KCNN2: variants seen among roughly 807,000 people sequenced by gnomAD.
KCNN2 encodes the protein small conductance calcium-activated potassium channel protein 2.
Under a neutral mutation model 55.5 loss-of-function variants are expected in KCNN2, and 24 were observed. The ratio of observed to expected loss-of-function variants is 0.43; its 90% CI spans 0.31 to 0.61. The LOEUF (loss-of-function observed/expected upper bound fraction) is 0.61. Among genes scored for constraint, KCNN2 ranks in the 20% least tolerant of loss-of-function variants. The pLI, the probability that KCNN2 is intolerant of heterozygous loss-of-function variation, is 0.08. For synonymous variants in KCNN2, 431 were observed against 336.1 expected (o/e 1.28, Z -3.09); for missense variants, 754 against 853.6 (o/e 0.88, Z 1.45).
intron 2 of KCNN2, among the ~76,000 whole-genome samples, chr5:114,260,697 T>G (rs1343323319): frequency 6.6e-6 from 1 of 152,226 alleles, no homozygotes; most frequent in East Asian, 1.9e-4. Context: ...TTTAGCTCTC[T>G]TTTTCTGAGA....
At chr5:114,346,769 C>CAAAAAAAAAA (rs138308313) in intron 2 of KCNN2, among the ~76,000 whole-genome samples, 1 of 136,112 alleles carries the variant, frequency 7.3e-6, no homozygotes, top group Non-Finnish European at 1.6e-5. Flanking sequence ...ATTCATTCTC[C>CAAAAAAAAAA]AAAAAAAAAA....
At chr5:114,210,290 G>A (rs76378261) in intron 1 of KCNN2, among the ~76,000 whole-genome samples, 9,053 of 152,138 alleles carry the variant, frequency 0.06, 875 homozygotes, top group African/African-American at 0.2. Flanking sequence ...AATCAATAAT[G>A]TATATTACAT....
chr5:114,413,605 T>C (rs1378759223), intron 3 of KCNN2, among the ~76,000 whole-genome samples: 1 of 152,164 alleles, frequency 6.6e-6, no homozygotes, highest in African/African-American at 2.4e-5. Flanking sequence ...ATTTTTTAAC[T>C]CTTTTTGGTC....
chr5:114,110,543 C>G (rs1336324176), intron 1 of KCNN2, among the ~76,000 whole-genome samples: 4 of 152,060 alleles, frequency 2.6e-5, no homozygotes, highest in Admixed American at 2.6e-4. Context: ...TCAGGGTACT[C>G]CTCTAAGGCC....
intron 2 of KCNN2, among the ~76,000 whole-genome samples, chr5:114,296,082 T>C (rs1561560225): frequency 1.3e-5 from 2 of 152,208 alleles, no homozygotes. Context: ...TATACTGTAC[T>C]CTATCCTCAG....
chr5:114,363,153 C>T lies in KCNN2; in HGVS notation c.1014C>T (p.Ala338=), dbSNP rs1757497283. Residue 338 remains alanine (A), a synonymous_variant, in exon 1 of 8, where the codon GCC becomes GCT. Coordinates refer to ENST00000673685, the MANE Select transcript of KCNN2 (RefSeq NM_021614.4). ...NIGYKLGHRR[A]LFEKRKRLSD... ...GCTACAAGCTGGGCCACCGGCGCGC[C>T]CTGTTCGAAAAGCGCAAGCGGCTCA... is the stretch of plus-strand genomic sequence containing the variant. The T allele has an allele frequency of 6.2e-7, 1 of 1,613,446 alleles. No homozygotes were observed. Among genetic ancestry groups the T allele is most frequent in the Admixed American group, 1.7e-5 (1 of 60,012 alleles).
intron 7 of KCNN2, among the ~76,000 whole-genome samples, chr5:114,493,773 A>T (rs1747976441): frequency 6.6e-6 from 1 of 152,142 alleles, no homozygotes; most frequent in Non-Finnish European, 1.5e-5. Context: ...TTTTATTTGC[A>T]TGTAAATCTC....
chr5:114,443,845 CT>C (rs1397603388), intron 3 of KCNN2, among the ~76,000 whole-genome samples: 1 of 152,184 alleles, frequency 6.6e-6, no homozygotes, highest in Non-Finnish European at 1.5e-5. Flanking sequence ...GGTTATCACT[CT>C]TCTCTGCTCC....
intron 2 of KCNN2, among the ~76,000 whole-genome samples, chr5:114,311,880 A>G (rs747227313): frequency 2.0e-5 from 3 of 152,184 alleles, no homozygotes; most frequent in Non-Finnish European, 4.4e-5. Flanking sequence ...GAGAAAACTC[A>G]TGCTATCTCA....
At chr5:114,429,818 CTTTTT>C (rs61595962) in intron 3 of KCNN2, among the ~76,000 whole-genome samples, 1 of 71,244 alleles carries the variant, frequency 1.4e-5, no homozygotes, top group African/African-American at 5.5e-5. Flanking sequence ...TATATAGATG[CTTTTT>C]TTTTTTTTTT....
At chr5:114,286,537 A>G (rs548756510) in intron 2 of KCNN2, among the ~76,000 whole-genome samples, 2 of 152,362 alleles carry the variant, frequency 1.3e-5, no homozygotes, top group South Asian at 4.1e-4. Context: ...GTTTTAGTGT[A>G]GGCTGGGACC....
At chr5:114,316,518 C>T (rs907716797) in intron 2 of KCNN2, among the ~76,000 whole-genome samples, 6 of 152,090 alleles carry the variant, frequency 3.9e-5, no homozygotes, top group African/African-American at 1.4e-4. Context: ...GAAGCAGACC[C>T]GCAGATACAC....
upstream of KCNN2, among the ~76,000 whole-genome samples, chr5:114,360,242 CAT>C (rs1364764786): frequency 2.0e-5 from 3 of 151,842 alleles, no homozygotes; most frequent in Non-Finnish European, 2.9e-5. Flanking sequence ...TTAAAATTAA[CAT>C]GTGTCCAAAG....
intron 1 of KCNN2, among the ~76,000 whole-genome samples, chr5:114,108,335 A>G (rs1751529717): frequency 6.6e-6 from 1 of 152,070 alleles, no homozygotes; most frequent in South Asian, 2.1e-4. Context: ...TTTTATCTAA[A>G]GAGTTGAATT....
chr5:114,197,798 T>A (rs1753589671), intron 1 of KCNN2, among the ~76,000 whole-genome samples: 1 of 152,208 alleles, frequency 6.6e-6, no homozygotes, highest in Admixed American at 6.5e-5. Flanking sequence ...TGAACATGTT[T>A]CAGGAATAGC....
intron 2 of KCNN2, among the ~76,000 whole-genome samples, chr5:114,329,617 C>T (rs1203577378): frequency 6.6e-6 from 1 of 152,166 alleles, no homozygotes; most frequent in Non-Finnish European, 1.5e-5. Context: ...GGTTTGGGGA[C>T]TCAGACTGGC....
At chr5:114,235,447 A>T (rs1052711458) in intron 2 of KCNN2, among the ~76,000 whole-genome samples, 1 of 152,228 alleles carries the variant, frequency 6.6e-6, no homozygotes, top group Non-Finnish European at 1.5e-5. Flanking sequence ...AAAACAAAAC[A>T]ATTATTCTGA....
In KCNN2 at chr5:114,110,132, C is replaced by T. The variant is rs572890758; in HGVS notation, c.-271+53632C>T. Among the ~76,000 whole-genome samples the T allele has an allele frequency of 3.2e-3, 484 of 152,190 alleles. 4 individuals are homozygous for T. Among genetic ancestry groups the T allele is most frequent in the African/African-American group, 0.011 (471 of 41,532 alleles). On this transcript the variant is annotated intron_variant, in intron 1 of 10. Coordinates refer to the KCNN2 transcript ENST00000512097. ...AACCTGCTGTTGCCTTGATCTCAGA[C>T]TTTCCAGCCTCAGGAACTTTGAGAG...
chr5:114,362,739 G>C lies in KCNN2; in HGVS notation c.600G>C (p.Gln200His), dbSNP rs767504456. ...HPAHHQHHQPQARRESNPFTE... is the reference protein window; with the variant it reads ...HPAHHQHHQPHARRESNPFTE... ...CGCACCACCAGCACCACCAGCCCCA[G>C]GCGCGCCGCGAGAGCAACCCCTTCA... Residue 200 changes from glutamine (Q) to histidine (H), a missense_variant, in exon 1 of 8, where the codon CAG (glutamine) becomes CAC (histidine). This residue lies in a region of KCNN2 where 381 missense variants were observed against 259.1 expected (regional missense o/e 1.47). Transcript: ENST00000673685. 3 of 1,538,414 alleles carry C rather than the reference G, an allele frequency of 2.0e-6. No homozygotes were observed. Among genetic ancestry groups the C allele is most frequent in the Non-Finnish European group, 2.6e-6 (3 of 1,149,708 alleles).
Sources: gnomAD v4.1 joint callset for allele counts (sites outside exome capture counted in the v4.1 genomes callset) on GRCh38, gnomAD v4.1.1 for gene constraint, gnomAD v4.1.1 regional missense constraint, MANE v1.5 for transcripts, NCBI Gene and HGNC (gene_info 2026-07-23, HGNC 2026-07-21) for gene names.